KCNMB2: variants seen among roughly 807,000 people sequenced by gnomAD.
KCNMB2 encodes the protein potassium calcium-activated channel subfamily M regulatory beta subunit 2, also known as calcium-activated potassium channel subunit beta-2.
Under a neutral mutation model 24.5 loss-of-function variants are expected in KCNMB2, and 9 were observed. The observed-to-expected ratio is 0.37, with a 90% CI of 0.22 to 0.64. KCNMB2 has a LOEUF of 0.64. Among genes scored for constraint, KCNMB2 ranks in the 30% least tolerant of loss-of-function variants. The pLI is 0.63. For synonymous variants in KCNMB2, 109 were observed against 104.4 expected, an observed-to-expected ratio of 1.04 and a Z score of -0.27; for missense variants, 226 against 284.3, an observed-to-expected ratio of 0.79 and a Z score of 1.47.
intron 1 of KCNMB2, among the ~76,000 whole-genome samples, chr3:178,663,703 A>G (rs1223144559): frequency 6.6e-6 from 1 of 152,156 alleles, no homozygotes; most frequent in Non-Finnish European, 1.5e-5. Flanking sequence ...AATGCATTAA[A>G]AGACAACAGT....
chr3:178,635,862 G>T (rs1005030757), intron 1 of KCNMB2, among the ~76,000 whole-genome samples: 3 of 152,074 alleles, frequency 2.0e-5, no homozygotes, highest in Non-Finnish European at 4.4e-5. Context: ...CAATACTTCA[G>T]TTCTTGTTCA....
intron 1 of KCNMB2, among the ~76,000 whole-genome samples, chr3:178,658,976 C>T (rs1180170805): frequency 1.3e-5 from 2 of 152,238 alleles, no homozygotes; most frequent in African/African-American, 4.8e-5. Context: ...GTTATCTCTT[C>T]AGGCAAATGC....
At chr3:178,635,312 G>T (rs1014346488) in intron 1 of KCNMB2, among the ~76,000 whole-genome samples, 1 of 152,064 alleles carries the variant, frequency 6.6e-6, no homozygotes, top group Non-Finnish European at 1.5e-5. Context: ...AGGCTAGTGA[G>T]GCCTGGGGAC....
rs143489362 is a variant in KCNMB2 at position 178,723,667 on chromosome 3, T to A, written c.-67-83676T>A. Among the ~76,000 whole-genome samples the A allele has an allele frequency of 3.4e-4, 52 of 152,318 alleles. 1 individual carries two copies. The highest frequency in any genetic ancestry group is 1.1e-3 in the African/African-American group (45 of 41,578). On this transcript the variant is annotated intron_variant, in intron 1 of 4. Transcript: ENST00000452583. ...CATCTCCCTCTTTTGGAACTCCCAG[T>A]GTCTATTGTTCCCATCTTTGTGTCC...
intron 1 of KCNMB2, among the ~76,000 whole-genome samples, chr3:178,756,291 T>C (rs114957760): frequency 6.6e-6 from 1 of 151,752 alleles, no homozygotes; most frequent in Non-Finnish European, 1.5e-5. Context: ...GAGAAAAGTA[T>C]GTATATGGGC....
rs1233126080 is a variant in KCNMB2 at position 178,843,237 on chromosome 3, C to T, written c.*300C>T. ...GCTCAGTTATTCATTTGCCAAGCTT[C>T]GTGGAGGAATGTAGGTGACATCAAT... On this transcript the variant is annotated 3_prime_UTR_variant, in exon 5 of 5. Coordinates refer to ENST00000452583, the MANE Select transcript of KCNMB2 (RefSeq NM_181361.3). 2.0e-6 allele frequency: 1 copy of T among 498,990 alleles called. No homozygotes were observed. 30.9% of individuals were successfully genotyped at this position (498,990 alleles called of 1,614,324 possible).
chr3:178,646,602 C>T (rs570352507), intron 1 of KCNMB2, among the ~76,000 whole-genome samples: 2 of 152,250 alleles, frequency 1.3e-5, no homozygotes, highest in Admixed American at 6.5e-5. Context: ...CTATTGTAAG[C>T]GAGGCTGAAA....
intron 1 of KCNMB2, among the ~76,000 whole-genome samples, chr3:178,770,472 G>C (rs1203502666): frequency 2.0e-5 from 3 of 152,224 alleles, no homozygotes; most frequent in African/African-American, 7.2e-5. Context: ...GTGCGGTATT[G>C]TATGAAGGCC....
intron 1 of KCNMB2, among the ~76,000 whole-genome samples, chr3:178,687,740 T>C (rs1163266347): frequency 1.8e-4 from 28 of 152,312 alleles, no homozygotes; most frequent in Non-Finnish European, 2.2e-4. Context: ...ATTTTGACAC[T>C]TTTAGTACTT....
chr3:178,705,100 C>A (rs994224898), intron 1 of KCNMB2, among the ~76,000 whole-genome samples: 2 of 152,090 alleles, frequency 1.3e-5, no homozygotes, highest in Non-Finnish European at 2.9e-5. Flanking sequence ...GGTTCCAGAT[C>A]TCATGCTCCC....
intron 1 of KCNMB2, among the ~76,000 whole-genome samples, chr3:178,780,543 T>C (rs1396882235): frequency 6.6e-6 from 1 of 152,302 alleles, no homozygotes; most frequent in Non-Finnish European, 1.5e-5. Context: ...AAAATAATGG[T>C]ATTACAATTT....
intron 1 of KCNMB2, among the ~76,000 whole-genome samples, chr3:178,603,751 A>G (rs1353055169): frequency 1.3e-5 from 2 of 152,182 alleles, no homozygotes; most frequent in African/African-American, 4.8e-5. Flanking sequence ...TATTCTAGGC[A>G]GTGGAGGGTC....
At chr3:178,585,256 C>T (rs748416141) in intron 1 of KCNMB2, among the ~76,000 whole-genome samples, 3 of 152,256 alleles carry the variant, frequency 2.0e-5, no homozygotes, top group Admixed American at 2.0e-4. Flanking sequence ...TGTACAAACT[C>T]GAATTTCAGT....
chr3:178,616,334 C>A (rs1403453620), intron 1 of KCNMB2, among the ~76,000 whole-genome samples: 2 of 152,228 alleles, frequency 1.3e-5, no homozygotes, highest in African/African-American at 4.8e-5. Context: ...GGTTTTCAGG[C>A]ACTGAAGTTC....
intron 1 of KCNMB2, among the ~76,000 whole-genome samples, chr3:178,675,015 T>C (rs1721025891): frequency 6.6e-6 from 1 of 152,246 alleles, no homozygotes; most frequent in Non-Finnish European, 1.5e-5. Flanking sequence ...TGTCCTCTGC[T>C]AATTGTTAAA....
intron 1 of KCNMB2, among the ~76,000 whole-genome samples, chr3:178,777,399 A>C (rs899537744): frequency 3.3e-5 from 5 of 152,158 alleles, no homozygotes; most frequent in African/African-American, 1.2e-4. Flanking sequence ...ACGCCACTGC[A>C]CTCCAGCCCG....
chr3:178,719,079 T>G (rs1340255736), intron 1 of KCNMB2, among the ~76,000 whole-genome samples: 1 of 152,198 alleles, frequency 6.6e-6, no homozygotes, highest in Non-Finnish European at 1.5e-5. Context: ...TCAGTCTGGA[T>G]CTATTATCTC....
chr3:178,570,873 C>T (rs2108476676), intron 1 of KCNMB2, among the ~76,000 whole-genome samples: 1 of 152,244 alleles, frequency 6.6e-6, no homozygotes, highest in Non-Finnish European at 1.5e-5. Flanking sequence ...ACAATTTACA[C>T]CAAAGTTTTA....
chr3:178,680,407 T>C (rs1721229551), intron 1 of KCNMB2, among the ~76,000 whole-genome samples: 1 of 152,250 alleles, frequency 6.6e-6, no homozygotes, highest in Non-Finnish European at 1.5e-5. Context: ...AGGCTGGTTG[T>C]CACTCACCTG....
Sources: gnomAD v4.1 joint callset for allele counts (sites outside exome capture counted in the v4.1 genomes callset) on GRCh38, gnomAD v4.1.1 for gene constraint, MANE v1.5 for transcripts, NCBI Gene and HGNC (gene_info 2026-07-23, HGNC 2026-07-21) for gene names.